Variants in KRT81 observed in about 807,000 individuals in gnomAD.
The protein encoded by KRT81 is keratin 81.
Under a neutral mutation model 35.8 loss-of-function variants are expected in KRT81, and 35 were observed. That is an observed-to-expected ratio of 0.98 (90% CI 0.75 to 1.30). The LOEUF is 1.30. KRT81 is among the 50% of genes most tolerant of loss of function. KRT81 has a pLI of 0.00. For missense variants in KRT81, 531 were observed against 577.4 expected, an observed-to-expected ratio of 0.92 and a Z score of 0.82; for synonymous variants, 249 against 251.2, an observed-to-expected ratio of 0.99 and a Z score of 0.08.
In KRT81 at chr12:52,288,388, G is replaced by T. The variant is rs1206948928; in HGVS notation, c.708C>A (p.Ile236=). ...CCTCATACAGCCGCCTCAGGAAGTC[G>T]ATCTCCTGGATCAGGGCCTCCACGT... ...EANVEALIQE[I]DFLRRLYEEE... Residue 236 remains isoleucine, a synonymous_variant, in exon 4 of 9, where the codon ATC becomes ATA. Transcript: ENST00000327741. The T allele has an allele frequency of 1.2e-6, 2 of 1,614,090 alleles. No homozygotes were observed. The highest frequency in any genetic ancestry group is 1.7e-6 in the Non-Finnish European group (2 of 1,180,010).
rs6580873 is a variant in KRT81, at chr12:52,288,141, A to C, written c.743T>G (p.Leu248Arg). 0.85 allele frequency: 1,373,690 copies of C among 1,613,888 alleles called. 586,536 individuals carry two copies. Among genetic ancestry groups the C allele is most frequent in the East Asian group, 1 (44,791 of 44,872 alleles). ...FLRRLYEEEI[L>R]ILQSHISDTS... The stretch of plus-strand genomic sequence containing the variant: ...GTCTGAGATGTGCGACTGGAGAATG[A>C]GGATCTCCTGCAGGAGGTGAGGGCA... Residue 248 changes from leucine (L) to arginine (R), a missense_variant, in exon 5 of 9, where the codon CTC becomes CGC. Physicochemically the swap from Leu to Arg is moderately radical, Grantham distance 102. This residue lies in a region of KRT81 where 194 missense variants were observed against 198.2 expected (regional missense o/e 0.98). Transcript: ENST00000327741.
chr12:52,286,406 G>T lies in KRT81; in HGVS notation c.1367C>A (p.Pro456Gln), dbSNP rs114447073. 3.2e-4 allele frequency: 503 copies of T among 1,554,464 alleles called. No homozygotes were observed. Among genetic ancestry groups the T allele is most frequent in the Non-Finnish European group, 4.1e-4 (466 of 1,148,826 alleles). Reference sequence around the variant, plus strand: ...GCTCACCGCCACGTTCCCGTTGCACGGAGCGCTGCAGACACTGCCAGTCAC... The same window carrying T: ...GCTCACCGCCACGTTCCCGTTGCACTGAGCGCTGCAGACACTGCCAGTCAC... ...RPVTGSVCSA[P>Q]CNGNVAVSTG... Residue 456 changes from proline to glutamine, a missense_variant, in exon 9 of 9, where the codon CCG (proline) becomes CAG (glutamine). Pro to Gln is a moderately conservative substitution (Grantham distance 76). Coordinates refer to ENST00000327741, the MANE Select transcript of KRT81 (RefSeq NM_002281.4).
At position 52,287,863 on chromosome 12, in the gene KRT81, T is replaced by C; in HGVS notation, c.900+121A>G. 5 of 1,601,266 alleles carry C rather than the reference T, an allele frequency of 3.1e-6. No homozygotes were observed. In the South Asian group the frequency reaches 5.5e-5, roughly 18 times the overall value. ...CCTGCCCTGCCACCCCAACCTCAGA[T>C]TGGCAGCCCTCTCTTCTCATCCCTA... On this transcript the variant is annotated intron_variant, in intron 5 of 8. Transcript: ENST00000327741.
At chr12:52,287,847 C>T in intron 5 of KRT81, 126 bp from the exon 6 acceptor site, 1 of 1,600,984 alleles carries the variant, frequency 6.2e-7, no homozygotes, top group Middle Eastern at 1.7e-4. Context: ...TCCTGCCCTG[C>T]CACCCCAACC....
At position 52,288,013 on chromosome 12, in the gene KRT81, C is replaced by T. The variant is rs772382898; in HGVS notation, c.871G>A (p.Ala291Thr). The change falls in exon 5 of 9, where the codon GCC (alanine) becomes ACC (threonine). Residue 291 changes from alanine to threonine, a missense_variant. Around this residue, in one of 5 missense-constraint regions of KRT81, gnomAD observed 194 missense variants for 198.2 expected, o/e 0.98. Transcript: ENST00000327741. ...CTGCGGTACCAGGACTCGGCCTCGG[C>T]CCGGCTGCGGGTGACAATGTCGTCA... ...QYDDIVTRSR[A>T]EAESWYRSKC... The T allele has an allele frequency of 1.9e-6, 3 of 1,614,240 alleles. No homozygotes were observed. Among genetic ancestry groups the T allele is most frequent in the Non-Finnish European group, 1.7e-6 (2 of 1,180,042 alleles).
rs1938107434 is a variant in KRT81 at position 52,291,234 on chromosome 12, T to C, written c.232A>G (p.Ile78Val). The change falls in exon 1 of 9, where the codon ATC becomes GTC. Residue 78 changes from isoleucine (I) to valine (V), a missense_variant. Ile to Val is a conservative substitution (Grantham distance 29). Coordinates refer to ENST00000327741, the MANE Select transcript of KRT81 (RefSeq NM_002281.4). Reference protein sequence around the residue: ...GGVCGPSPPCITTVSVNESLL... With the variant: ...GGVCGPSPPCVTTVSVNESLL... ...CTCTCGTTGACCGACACGGTGGTGA[T>C]GCATGGGGGACTGGGCCCGCACACG... 1.3e-6 allele frequency: 2 copies of C among 1,494,762 alleles called. No individual in the cohort carries two copies. The highest frequency in any genetic ancestry group is 9.0e-7 in the Non-Finnish European group (1 of 1,113,114). The allele number at this position is 1,494,762 out of a possible 1,614,324, so 92.6% of individuals were successfully genotyped here. A position where few individuals can be genotyped will look rare whatever the true frequency, so the allele number is the denominator to read the frequency against.
intron 6 of KRT81, 125 bp downstream of exon 6, chr12:52,287,471 C>A: frequency 6.3e-7 from 1 of 1,588,618 alleles, no homozygotes; most frequent in Admixed American, 1.8e-5. Flanking sequence ...GAGACCACGA[C>A]CAGGGACTCT....
Position 52,286,343 on chromosome 12 carries a change from G to A in KRT81, c.1430C>T (p.Thr477Ile), listed in dbSNP as rs989679449. 5 of 1,555,270 alleles carry A rather than the reference G, an allele frequency of 3.2e-6. 1 individual carries two copies. Among genetic ancestry groups the A allele is most frequent in the Non-Finnish European group, 4.4e-6 (5 of 1,148,916 alleles). Residue 477 changes from threonine to isoleucine, a missense_variant, in exon 9 of 9, where the codon ACC becomes ATC. Thr to Ile is a moderately conservative substitution (Grantham distance 89). Transcript: ENST00000327741. ...CACGCCGCAGGAACCCCCTCCGCAG[G>A]TGGTGTTCAATTGGCCGCAGGGCGC... ...LCAPCGQLNTTCGGGSCGVGS... is the reference protein window; with the variant it reads ...LCAPCGQLNTICGGGSCGVGS...
intron 5 of KRT81, 47 bp from the exon 6 acceptor site, chr12:52,287,768 T>C (rs779523514): frequency 6.2e-6 from 10 of 1,613,818 alleles, no homozygotes; most frequent in African/African-American, 2.7e-5. Flanking sequence ...GGACCTCCCA[T>C]CCATTCAGGA....
In KRT81 at chr12:52,287,614, C is replaced by T; in HGVS notation, c.1008G>A (p.Val336=). 1 of 1,613,942 alleles carries T rather than the reference C, an allele frequency of 6.2e-7. No homozygotes were observed. ...CCCATACCTGGCACTTGGCATTCTC[C>T]ACCTCGGCCGTCAGCCTTTGGATCA... ...NRMIQRLTAE[V]ENAKCQNSKL... Residue 336 remains valine, a synonymous_variant, in exon 6 of 9, where the codon GTG becomes GTA. Transcript: ENST00000327741.
intron 6 of KRT81, 107 bp downstream of exon 6, chr12:52,287,489 C>T (rs1361231420): frequency 1.9e-6 from 3 of 1,604,960 alleles, no homozygotes; most frequent in Non-Finnish European, 2.6e-6. Context: ...TCTACATGGA[C>T]AAAGGGGGTG....
rs148003777 is a variant in KRT81 at position 52,291,478 on chromosome 12, C to T, written c.-13G>A. 1.2e-4 allele frequency: 201 copies of T among 1,612,486 alleles called. No individual in the cohort carries two copies. In the East Asian group the frequency reaches 4.2e-3, roughly 34 times the overall value. ...ATCCGCAGGTCATGATCCTCCTGGA[C>T]GTTTGGGTTGCAGAGGACAGGATAG... is the stretch of plus-strand genomic sequence containing the variant. On this transcript the variant is annotated 5_prime_UTR_variant, in exon 1 of 9. Transcript: ENST00000327741.
chr12:52,286,966 C>A, intron 7 of KRT81, 136 bp downstream of exon 7: 2 of 1,550,780 alleles, frequency 1.3e-6, no homozygotes, highest in Non-Finnish European at 1.8e-6. Context: ...ACTCACACAC[C>A]AGCCCTCCCC....
At chr12:52,290,979 C>T in intron 1 of KRT81, 118 bp downstream of exon 1, 5 of 399,720 alleles carry the variant, frequency 1.3e-5, no homozygotes, top group Middle Eastern at 5.6e-4. Context: ...GTGCCTCGCC[C>T]ATCAGACTGG....
intron 5 of KRT81, 122 bp downstream of exon 5, chr12:52,287,862 A>T: frequency 6.2e-7 from 1 of 1,601,954 alleles, no homozygotes; most frequent in Non-Finnish European, 8.5e-7. Flanking sequence ...CCAACCTCAG[A>T]TTGGCAGCCC....
intron 6 of KRT81, 120 bp downstream of exon 6, chr12:52,287,476 G>T: frequency 3.1e-6 from 5 of 1,594,358 alleles, no homozygotes; most frequent in Non-Finnish European, 4.3e-6. Flanking sequence ...CACGACCAGG[G>T]ACTCTACATG....
rs1421264122 is a variant in KRT81 at position 52,287,851 on chromosome 12, C to G, written c.901-130G>C. ...ACACATGGCAGTCCTGCCCTGCCACCCCAACCTCAGATTGGCAGCCCTCTC... is the reference window on the plus strand; with the variant it reads ...ACACATGGCAGTCCTGCCCTGCCACGCCAACCTCAGATTGGCAGCCCTCTC... On this transcript the variant is annotated intron_variant, in intron 5 of 8. Coordinates refer to ENST00000327741, the MANE Select transcript of KRT81 (RefSeq NM_002281.4). 16 of 1,601,282 alleles carry G rather than the reference C, an allele frequency of 1.0e-5. No individual in the cohort carries two copies. In the Admixed American group the frequency reaches 2.7e-4, roughly 27 times the overall value.
At chr12:52,287,052 G>C in intron 7 of KRT81, 50 bp downstream of exon 7, 1 of 1,612,324 alleles carries the variant, frequency 6.2e-7, no homozygotes, top group Non-Finnish European at 8.5e-7. Flanking sequence ...GGGTAGGCTT[G>C]TGCCAGGGAT....
chr12:52,286,996 A>T, intron 7 of KRT81, 106 bp downstream of exon 7: 1 of 1,595,876 alleles, frequency 6.3e-7, no homozygotes, highest in Non-Finnish European at 8.6e-7. Context: ...GTGAATAATA[A>T]TATTTTTTTC....
Sources: allele counts gnomAD v4.1 joint callset, GRCh38; gene constraint gnomAD v4.1.1; regional missense constraint gnomAD v4.1.1; transcripts MANE v1.5; gene names NCBI Gene and HGNC (gene_info 2026-07-23, HGNC 2026-07-21).